SORCS3: variants seen among roughly 807,000 people sequenced by gnomAD.
SORCS3 encodes sortilin related VPS10 domain containing receptor 3.
A neutral mutation model predicts 146.3 loss-of-function variants in SORCS3; 57 were observed. That is an observed-to-expected ratio of 0.39 (90% CI 0.31 to 0.49). The LOEUF is 0.49. Among genes scored for constraint, SORCS3 ranks in the 20% least tolerant of loss-of-function variants. The pLI is 0.92. For missense variants in SORCS3, 1,341 were observed against 1,575.5 expected (o/e 0.85, Z 2.52); for synonymous variants, 653 against 618.5 (o/e 1.06, Z -0.83).
At chr10:105,064,566 A>T (rs2055509953) in intron 5 of SORCS3, among the ~76,000 whole-genome samples, 1 of 152,180 alleles carries the variant, frequency 6.6e-6, no homozygotes, top group Non-Finnish European at 1.5e-5. Flanking sequence ...TATGAATCTC[A>T]GTCTGAGGCC....
At chr10:104,818,360 T>TTCCTTCCTTCCTTCCTTCCTTCCTTC (rs1564690794) in intron 1 of SORCS3, among the ~76,000 whole-genome samples, 55 of 139,832 alleles carry the variant, frequency 3.9e-4, no homozygotes, top group Non-Finnish European at 5.5e-4. Context: ...TCTTCTCCTT[T>TTCCTTCCTTCCTTCCTTCCTTCCTTC]CTTCCTTCCT....
chr10:105,185,349 T>C (rs1307205771), intron 14 of SORCS3, among the ~76,000 whole-genome samples: 1 of 152,164 alleles, frequency 6.6e-6, no homozygotes, highest in Admixed American at 6.5e-5. Context: ...CAGAAACATC[T>C]GGCAGCACTA....
intron 2 of SORCS3, among the ~76,000 whole-genome samples, chr10:104,865,073 T>C (rs1361289861): frequency 6.6e-6 from 1 of 152,158 alleles, no homozygotes; most frequent in African/African-American, 2.4e-5. Context: ...TTGCAGCCAT[T>C]TTATTTTACA....
At chr10:105,069,004 C>T (rs548214110) in intron 5 of SORCS3, among the ~76,000 whole-genome samples, 4 of 152,180 alleles carry the variant, frequency 2.6e-5, no homozygotes, top group Non-Finnish European at 4.4e-5. Flanking sequence ...TACATGTGAA[C>T]AGCATCTACC....
In SORCS3 at chr10:104,973,444, A is replaced by T. The variant is rs892103874; in HGVS notation, c.796-3891A>T. 3.0e-3 allele frequency among the ~76,000 whole-genome samples: 460 copies of T among 152,232 alleles called. 3 individuals carry two copies. The highest frequency in any genetic ancestry group is 0.019 in the South Asian group (91 of 4,824). On this transcript the variant is annotated intron_variant, in intron 3 of 26. Transcript: ENST00000369701. ...CTTGGGAGGGTGTATGTGTTGAGGA[A>T]TTTATCCATTTCTTCTAGATTTTCT...
At chr10:104,672,719 T>C (rs1386462013) in intron 1 of SORCS3, among the ~76,000 whole-genome samples, 1 of 152,210 alleles carries the variant, frequency 6.6e-6, no homozygotes. Context: ...ATTGTTTGTT[T>C]AAGAGTGTGT....
At chr10:105,258,119 A>T (rs904523458) in intron 25 of SORCS3, among the ~76,000 whole-genome samples, 1 of 152,114 alleles carries the variant, frequency 6.6e-6, no homozygotes, top group South Asian at 2.1e-4. Context: ...ACACCAGTTT[A>T]ATTCAGTATA....
At chr10:105,060,949 A>T (rs1011889631) in intron 5 of SORCS3, among the ~76,000 whole-genome samples, 1 of 152,084 alleles carries the variant, frequency 6.6e-6, no homozygotes, top group Non-Finnish European at 1.5e-5. Flanking sequence ...AAACAAAAAA[A>T]AAAAACAAAC....
chr10:104,680,443 G>C (rs2015957495), intron 1 of SORCS3, among the ~76,000 whole-genome samples: 1 of 152,190 alleles, frequency 6.6e-6, no homozygotes, highest in Non-Finnish European at 1.5e-5. Flanking sequence ...GCCAGAAGCA[G>C]GCCACCGACC....
At chr10:105,190,269 G>T (rs753710743) in intron 14 of SORCS3, among the ~76,000 whole-genome samples, 1 of 152,146 alleles carries the variant, frequency 6.6e-6, no homozygotes. Context: ...AACCTTGTCA[G>T]ATGAGTTATT....
At chr10:105,239,357 A>G (rs2056810390) in intron 20 of SORCS3, among the ~76,000 whole-genome samples, 1 of 152,208 alleles carries the variant, frequency 6.6e-6, no homozygotes, top group Admixed American at 6.5e-5. Flanking sequence ...TTATCAAGGT[A>G]TGCATTTTAA....
intron 4 of SORCS3, among the ~76,000 whole-genome samples, chr10:104,992,605 G>A (rs1040768857): frequency 5.3e-5 from 8 of 152,220 alleles, no homozygotes; most frequent in East Asian, 3.9e-4. Flanking sequence ...GCCTTTTAAC[G>A]TGGATCCTAA....
At chr10:104,648,500 A>G (rs2015520798) in intron 1 of SORCS3, among the ~76,000 whole-genome samples, 1 of 152,144 alleles carries the variant, frequency 6.6e-6, no homozygotes, top group Non-Finnish European at 1.5e-5. Context: ...GAGATTTAGG[A>G]ATAGATTCTT....
chr10:104,912,125 A>G (rs1277643502), intron 2 of SORCS3, among the ~76,000 whole-genome samples: 3 of 152,180 alleles, frequency 2.0e-5, no homozygotes, highest in African/African-American at 7.2e-5. Context: ...GTCCTGAATA[A>G]AGTTTACTTA....
intron 2 of SORCS3, among the ~76,000 whole-genome samples, chr10:104,896,844 A>G (rs2018803631): frequency 6.6e-6 from 1 of 152,206 alleles, no homozygotes; most frequent in Admixed American, 6.5e-5. Context: ...CTATAATGGC[A>G]GAGTTGAGTA....
chr10:104,651,555 C>T (rs12263094), intron 1 of SORCS3, among the ~76,000 whole-genome samples: 34,576 of 110,316 alleles, frequency 0.31, 4,185 homozygotes, highest in South Asian at 0.41. Context: ...AAAAAAAAAA[C>T]ACAAAAATTA....
intron 2 of SORCS3, among the ~76,000 whole-genome samples, chr10:104,866,880 A>G (rs2018464947): frequency 6.6e-6 from 1 of 152,170 alleles, no homozygotes; most frequent in Admixed American, 6.5e-5. Flanking sequence ...ATACTTTTTA[A>G]TAAGAACAGG....
intron 7 of SORCS3, among the ~76,000 whole-genome samples, chr10:105,113,076 G>A (rs1186740241): frequency 6.6e-6 from 1 of 152,154 alleles, no homozygotes; most frequent in Non-Finnish European, 1.5e-5. Context: ...CTCCTCAAAC[G>A]GAGCAACTCT....
At chr10:104,948,891 G>A (rs954418509) in intron 3 of SORCS3, among the ~76,000 whole-genome samples, 3 of 152,106 alleles carry the variant, frequency 2.0e-5, no homozygotes, top group East Asian at 3.9e-4. Context: ...CCCTCATTCC[G>A]CCCAGCTACC....
Sources: gnomAD v4.1 joint callset for allele counts (sites outside exome capture counted in the v4.1 genomes callset) on GRCh38, gnomAD v4.1.1 for gene constraint, MANE v1.5 for transcripts, NCBI Gene and HGNC (gene_info 2026-07-23, HGNC 2026-07-21) for gene names.